The following NRG3 variants were observed in gnomAD, a reference collection of about 807,000 sequenced individuals.
NRG3 encodes pro-neuregulin-3, membrane-bound isoform.
NRG3 carries 31 observed loss-of-function variants against 66.9 expected under a neutral mutation model. The ratio of observed to expected loss-of-function variants is 0.46; its 90% CI spans 0.35 to 0.63. NRG3 has a LOEUF of 0.63. Among genes scored for constraint, NRG3 ranks in the 20% least tolerant of loss-of-function variants. The pLI, the probability that NRG3 is intolerant of heterozygous loss-of-function variation, is 0.00. For missense variants in NRG3, 910 were observed against 878.9 expected (o/e 1.04, Z -0.45); for synonymous variants, 393 against 359.4 (o/e 1.09, Z -1.06).
chr10:82,325,336 T>C (rs78016716), intron 1 of NRG3, among the ~76,000 whole-genome samples: 1 of 152,042 alleles, frequency 6.6e-6, no homozygotes, highest in African/African-American at 2.4e-5. Flanking sequence ...CATGTGCTAC[T>C]GTGCCTGGCT....
intron 1 of NRG3, among the ~76,000 whole-genome samples, chr10:81,897,532 C>T (rs1003351544): frequency 8.0e-5 from 12 of 150,760 alleles, no homozygotes; most frequent in East Asian, 5.9e-4. Flanking sequence ...CCTAGGTTCC[C>T]GTCCTCAATA....
At chr10:82,830,406 T>C (rs116066560) in intron 3 of NRG3, among the ~76,000 whole-genome samples, 16 of 152,312 alleles carry the variant, frequency 1.1e-4, no homozygotes, top group South Asian at 2.1e-4. Context: ...TTTAATTTCA[T>C]TGGAAACCAC....
intron 1 of NRG3, among the ~76,000 whole-genome samples, chr10:82,241,468 A>G (rs1431441578): frequency 3.3e-5 from 5 of 152,056 alleles, no homozygotes; most frequent in African/African-American, 1.2e-4. Flanking sequence ...CTCCATCACC[A>G]TTCCCAGATT....
chr10:82,338,176 A>C (rs759935173), intron 1 of NRG3, among the ~76,000 whole-genome samples: 24 of 152,228 alleles, frequency 1.6e-4, no homozygotes, highest in Non-Finnish European at 3.1e-4. Flanking sequence ...TCTCTTTCTG[A>C]TGTCAATATG....
intron 1 of NRG3, among the ~76,000 whole-genome samples, chr10:82,191,849 C>T (rs1308793061): frequency 1.3e-5 from 2 of 152,144 alleles, no homozygotes; most frequent in African/African-American, 4.8e-5. Context: ...TTGATTTGTG[C>T]TCAGGCCTCA....
intron 2 of NRG3, among the ~76,000 whole-genome samples, chr10:82,376,222 A>G (rs2085228115): frequency 6.6e-6 from 1 of 152,180 alleles, no homozygotes; most frequent in Non-Finnish European, 1.5e-5. Context: ...TTAGCTGCAG[A>G]GTTGAACTGG....
intron 2 of NRG3, among the ~76,000 whole-genome samples, chr10:82,533,262 A>T (rs942380318): frequency 2.0e-5 from 3 of 151,796 alleles, no homozygotes; most frequent in African/African-American, 7.3e-5. Flanking sequence ...TTCATTGCTG[A>T]TCATTTCTTT....
chr10:82,832,049 GCTA>G (rs2062555199), intron 3 of NRG3, among the ~76,000 whole-genome samples: 1 of 152,186 alleles, frequency 6.6e-6, no homozygotes, highest in African/African-American at 2.4e-5. Context: ...TTGCCTGATA[GCTA>G]CTATTTTCTC....
At chr10:82,794,261 T>C (rs1238133641) in intron 3 of NRG3, among the ~76,000 whole-genome samples, 1 of 152,108 alleles carries the variant, frequency 6.6e-6, no homozygotes, top group Non-Finnish European at 1.5e-5. Context: ...TAATTAAATC[T>C]CCTCTCTCTC....
chr10:82,201,211 A>C (rs1031140911), intron 1 of NRG3, among the ~76,000 whole-genome samples: 2 of 151,288 alleles, frequency 1.3e-5, no homozygotes, highest in Non-Finnish European at 3.0e-5. Flanking sequence ...AAAAAAAAAA[A>C]AAAAAAGACA....
chr10:82,672,463 G>A (rs1177057008), intron 2 of NRG3, among the ~76,000 whole-genome samples: 1 of 152,186 alleles, frequency 6.6e-6, no homozygotes, highest in Non-Finnish European at 1.5e-5. Context: ...TGACCCCATG[G>A]CAAACAGAAG....
intron 2 of NRG3, among the ~76,000 whole-genome samples, chr10:82,440,123 A>T (rs550185672): frequency 6.6e-6 from 1 of 152,074 alleles, no homozygotes; most frequent in Non-Finnish European, 1.5e-5. Context: ...CTTTTCTATG[A>T]TCACTGGACT....
rs532011667 is a variant in NRG3 at position 82,619,688 on chromosome 10, G to A, written c.954-118889G>A. On this transcript the variant is annotated intron_variant, in intron 2 of 8. Transcript: ENST00000372141. Reference sequence around the variant, plus strand: ...AGACATATGTTTAAAGCGGTAATAAGGTTAAGGTGAGGTTATGAGGGTGAG... The same window carrying A: ...AGACATATGTTTAAAGCGGTAATAAAGTTAAGGTGAGGTTATGAGGGTGAG... 8.5e-5 allele frequency among the ~76,000 whole-genome samples: 13 copies of A among 152,268 alleles called. No homozygotes were observed. The South Asian group carries it at 1.2e-3, about 15-fold the overall frequency.
chr10:82,982,902 C>T (rs1165431224), intron 8 of NRG3, among the ~76,000 whole-genome samples: 4 of 152,294 alleles, frequency 2.6e-5, no homozygotes, highest in Non-Finnish European at 5.9e-5. Context: ...ATCTAATAGT[C>T]CACTGCAATT....
At chr10:82,214,174 C>G (rs2075548934) in intron 1 of NRG3, among the ~76,000 whole-genome samples, 1 of 152,156 alleles carries the variant, frequency 6.6e-6, no homozygotes, top group African/African-American at 2.4e-5. Context: ...CATTATTTCA[C>G]TAGTCCAGGA....
chr10:82,581,493 T>C (rs1208391484), intron 2 of NRG3, among the ~76,000 whole-genome samples: 1 of 151,996 alleles, frequency 6.6e-6, no homozygotes, highest in African/African-American at 2.4e-5. Flanking sequence ...CTTTCATAGA[T>C]GGTACTTCAT....
intron 1 of NRG3, among the ~76,000 whole-genome samples, chr10:81,919,087 A>G (rs946394682): frequency 6.6e-6 from 1 of 152,170 alleles, no homozygotes; most frequent in African/African-American, 2.4e-5. Flanking sequence ...AATGTAATAA[A>G]TATTTTTAAA....
At chr10:82,049,817 T>C (rs967809607) in intron 1 of NRG3, among the ~76,000 whole-genome samples, 1 of 152,022 alleles carries the variant, frequency 6.6e-6, no homozygotes, top group African/African-American at 2.4e-5. Context: ...CAAGCTGACA[T>C]TCATCTCGTG....
intron 1 of NRG3, among the ~76,000 whole-genome samples, chr10:82,348,425 G>A (rs2083181336): frequency 6.8e-6 from 1 of 147,266 alleles, no homozygotes; most frequent in Non-Finnish European, 1.5e-5. Context: ...TAGGGTTTCT[G>A]CTGAGAGATC....
Sources: gnomAD v4.1 joint callset for allele counts (sites outside exome capture counted in the v4.1 genomes callset) on GRCh38, gnomAD v4.1.1 for gene constraint, MANE v1.5 for transcripts, NCBI Gene and HGNC (gene_info 2026-07-23, HGNC 2026-07-21) for gene names.